PAG1: variants seen among roughly 807,000 people sequenced by gnomAD.
PAG1 encodes the protein phosphoprotein associated with glycosphingolipid-enriched microdomains 1.
A neutral mutation model predicts 31.7 loss-of-function variants in PAG1; 23 were observed. That is an observed-to-expected ratio of 0.73 (90% CI 0.52 to 1.03). PAG1 has a LOEUF of 1.03. Among genes scored for constraint, PAG1 ranks in the 50% least tolerant of loss-of-function variants. PAG1 has a pLI of 0.00. For synonymous variants in PAG1, 214 were observed against 210.3 expected (o/e 1.02, Z -0.15); for missense variants, 473 against 540.7 (o/e 0.87, Z 1.24).
At chr8:81,003,707 C>A (rs1307490324) in intron 3 of PAG1, among the ~76,000 whole-genome samples, 1 of 152,048 alleles carries the variant, frequency 6.6e-6, no homozygotes, top group Non-Finnish European at 1.5e-5. Flanking sequence ...TCTTTTGAAC[C>A]CTTAGTTTCT....
chr8:81,056,928 T>C (rs1245332607), intron 2 of PAG1, among the ~76,000 whole-genome samples: 1 of 152,170 alleles, frequency 6.6e-6, no homozygotes, highest in Admixed American at 6.5e-5. Flanking sequence ...CAGACACTTC[T>C]CAAAAGAAGA....
intron 3 of PAG1, among the ~76,000 whole-genome samples, chr8:81,010,944 C>T (rs1807972191): frequency 1.3e-5 from 2 of 152,180 alleles, no homozygotes; most frequent in Non-Finnish European, 2.9e-5. Flanking sequence ...CATCATACAG[C>T]TGGTTCCTCC....
intron 1 of PAG1, among the ~76,000 whole-genome samples, chr8:81,077,129 C>T (rs895767132): frequency 6.6e-6 from 1 of 152,174 alleles, no homozygotes; most frequent in Non-Finnish European, 1.5e-5. Flanking sequence ...GCATTGGCAC[C>T]CCCCAGGAGC....
chr8:81,027,904 C>CAAAAA (rs35780204), intron 3 of PAG1, among the ~76,000 whole-genome samples: 4 of 52,818 alleles, frequency 7.6e-5, no homozygotes, highest in Non-Finnish European at 1.3e-4. Flanking sequence ...GACTCCGTCT[C>CAAAAA]AAAAAAAAAA....
chr8:81,050,017 A>G (rs1374226259), intron 2 of PAG1, among the ~76,000 whole-genome samples: 1 of 152,230 alleles, frequency 6.6e-6, no homozygotes, highest in Non-Finnish European at 1.5e-5. Context: ...TTGACACAGG[A>G]TGGCATGTTT....
chr8:81,053,768 T>C (rs1420122891), intron 2 of PAG1, among the ~76,000 whole-genome samples: 1 of 152,126 alleles, frequency 6.6e-6, no homozygotes, highest in Non-Finnish European at 1.5e-5. Flanking sequence ...AGAAATCAGG[T>C]TGGAAAATGT....
At chr8:81,016,628 T>C (rs1420818311) in intron 3 of PAG1, among the ~76,000 whole-genome samples, 1 of 152,228 alleles carries the variant, frequency 6.6e-6, no homozygotes, top group East Asian at 1.9e-4. Flanking sequence ...TGTCCCAAGA[T>C]AGAACTGAAG....
At position 81,066,076 on chromosome 8, in the gene PAG1, A is replaced by G. The variant is rs577540760; in HGVS notation, c.-175+4036T>C. ...CCTTTGGGCCAGGGAGCAAAATTAC[A>G]GGGGACAGATCAACAGGGCCACTAC... On this transcript the variant is annotated intron_variant, in intron 2 of 8. Transcript: ENST00000220597. Among the ~76,000 whole-genome samples, 57 of 152,308 alleles carry G rather than the reference A, an allele frequency of 3.7e-4. No homozygotes were observed. In the South Asian group the frequency reaches 9.9e-3, roughly 27 times the overall value.
chr8:81,043,315 A>G (rs991332525), intron 2 of PAG1, among the ~76,000 whole-genome samples: 5 of 152,238 alleles, frequency 3.3e-5, no homozygotes, highest in Non-Finnish European at 5.9e-5. Context: ...TGTTTTAAAA[A>G]AGAATATTCC....
At chr8:81,005,296 A>ATATG (rs559376104) in intron 3 of PAG1, among the ~76,000 whole-genome samples, 234 of 152,216 alleles carry the variant, frequency 1.5e-3, no homozygotes, top group African/African-American at 3.2e-3. Context: ...AATGGCATAT[A>ATATG]TATGTATGTA....
At chr8:81,093,564 C>T (rs1809480960) in intron 1 of PAG1, among the ~76,000 whole-genome samples, 3 of 151,998 alleles carry the variant, frequency 2.0e-5, no homozygotes, top group Non-Finnish European at 4.4e-5. Context: ...AATGTAGGCA[C>T]AGACAAGGGG....
At chr8:81,065,366 CG>C (rs1554606477) in intron 2 of PAG1, among the ~76,000 whole-genome samples, 2 of 151,892 alleles carry the variant, frequency 1.3e-5, no homozygotes, top group Non-Finnish European at 2.9e-5. Context: ...TACTTTCAAA[CG>C]GAAGAGTCCT....
intron 1 of PAG1, among the ~76,000 whole-genome samples, chr8:81,095,823 TA>T (rs1233345426): frequency 1.3e-5 from 2 of 152,188 alleles, no homozygotes; most frequent in Non-Finnish European, 2.9e-5. Flanking sequence ...ACTATATGTG[TA>T]AGGCTGATAA....
rs1807084036 is a variant in PAG1 at position 80,971,833 on chromosome 8, A to T, written c.*4711T>A. ...TGTAAACACAGACCTAAAAATGAGC[A>T]GTAGGATAAAAAAAACCATGAATGT... On this transcript the variant is annotated 3_prime_UTR_variant, in exon 9 of 9. Coordinates refer to ENST00000220597, the MANE Select transcript of PAG1 (RefSeq NM_018440.4). 6.6e-6 allele frequency: 1 copy of T among 152,248 alleles called. No homozygotes were observed. The highest frequency in any genetic ancestry group is 1.5e-5 in the Non-Finnish European group (1 of 68,034). 9.4% of individuals were successfully genotyped at this position (152,248 alleles called of 1,614,324 possible).
intron 1 of PAG1, among the ~76,000 whole-genome samples, chr8:81,105,396 A>G (rs540951024): frequency 6.6e-6 from 1 of 152,300 alleles, no homozygotes; most frequent in African/African-American, 2.4e-5. Flanking sequence ...ACTAAATTTG[A>G]CTGAAAACAC....
intron 1 of PAG1, among the ~76,000 whole-genome samples, chr8:81,085,915 C>T (rs1809343427): frequency 7.9e-6 from 1 of 126,880 alleles, no homozygotes; most frequent in Admixed American, 8.1e-5. Context: ...GGTTTAGGAT[C>T]TTTTTCATAC....
chr8:81,081,393 G>C (rs1190635343), intron 1 of PAG1, among the ~76,000 whole-genome samples: 1 of 152,064 alleles, frequency 6.6e-6, no homozygotes, highest in Non-Finnish European at 1.5e-5. Context: ...AGATTCACAA[G>C]CAGTTACTTA....
At chr8:81,102,561 T>A (rs1163519908) in intron 1 of PAG1, among the ~76,000 whole-genome samples, 1 of 152,214 alleles carries the variant, frequency 6.6e-6, no homozygotes, top group Non-Finnish European at 1.5e-5. Context: ...CTCCTAGATA[T>A]TTTTTGTGAA....
chr8:81,058,001 T>C (rs922510637), intron 2 of PAG1, among the ~76,000 whole-genome samples: 5 of 152,112 alleles, frequency 3.3e-5, no homozygotes, highest in African/African-American at 1.2e-4. Context: ...TAACAGTAAA[T>C]ACTGCCTTAA....
Sources: allele counts gnomAD v4.1 joint callset (sites outside exome capture counted in the v4.1 genomes callset), GRCh38; gene constraint gnomAD v4.1.1; transcripts MANE v1.5; gene names NCBI Gene and HGNC (gene_info 2026-07-23, HGNC 2026-07-21).